The following DYNC1LI1 variants were observed in gnomAD, a reference collection of about 807,000 sequenced individuals.
DYNC1LI1 encodes the protein dynein cytoplasmic 1 light intermediate chain 1, also known as cytoplasmic dynein 1 light intermediate chain 1.
In DYNC1LI1, 19 loss-of-function variants were observed where a neutral mutation model predicts 63.8. That is an observed-to-expected ratio of 0.30 (90% CI 0.21 to 0.44). The LOEUF (loss-of-function observed/expected upper bound fraction) is 0.44. Among genes scored for constraint, DYNC1LI1 ranks in the 20% least tolerant of loss-of-function variants. DYNC1LI1 has a pLI of 1.00. For missense variants in DYNC1LI1, 565 were observed against 630.2 expected, an observed-to-expected ratio of 0.90 and a Z score of 1.11; for synonymous variants, 225 against 232.3, an observed-to-expected ratio of 0.97 and a Z score of 0.28.
chr3:32,561,228 T>C (rs540733536), intron 2 of DYNC1LI1, among the ~76,000 whole-genome samples: 1 of 151,718 alleles, frequency 6.6e-6, no homozygotes, highest in Non-Finnish European at 1.5e-5. Context: ...TTAAATCACC[T>C]TTACATTAAG....
intron 2 of DYNC1LI1, among the ~76,000 whole-genome samples, chr3:32,565,053 T>C (rs2125446503): frequency 1.3e-5 from 2 of 152,340 alleles, no homozygotes; most frequent in South Asian, 4.1e-4. Context: ...GGCTGCATAT[T>C]ACCGTGGACT....
intron 10 of DYNC1LI1, 150 bp downstream of exon 10, chr3:32,530,134 C>T (rs1042325922): frequency 3.8e-5 from 27 of 703,768 alleles, no homozygotes; most frequent in Non-Finnish European, 6.2e-5. Context: ...TAGATCTTTA[C>T]ACTTTTAAAA....
chr3:32,561,588 C>CA (rs1698195057), intron 2 of DYNC1LI1, among the ~76,000 whole-genome samples: 1 of 151,398 alleles, frequency 6.6e-6, no homozygotes, highest in African/African-American at 2.4e-5. Flanking sequence ...AAGATGGCAC[C>CA]ACTGCACTCC....
chr3:32,533,566 C>CTT (rs374520445), intron 7 of DYNC1LI1, among the ~76,000 whole-genome samples: 7 of 139,634 alleles, frequency 5.0e-5, no homozygotes, highest in Non-Finnish European at 7.8e-5. Context: ...ATACGGTTAC[C>CTT]TTTTTTTTTT....
chr3:32,570,393 G>A lies in DYNC1LI1; in HGVS notation c.173C>T (p.Thr58Ile). ...CGCAGGGAGCTTGGAGCGCGAGCGG[G>A]TGGAGACCTCGCTGAGGATGCAGGA... The part of the protein sequence containing the change: ...LWSCILSEVS[T>I]RSRSKLPAGK... The change falls in exon 2 of 13, where the codon ACC (threonine) becomes ATC (isoleucine). Residue 58 changes from threonine (T) to isoleucine (I), a missense_variant. Thr to Ile is a moderately conservative substitution (Grantham distance 89). Coordinates refer to ENST00000273130, the MANE Select transcript of DYNC1LI1 (RefSeq NM_016141.4). 1 of 1,606,760 alleles carries A rather than the reference G, an allele frequency of 6.2e-7. No individual in the cohort carries two copies. The highest frequency in any genetic ancestry group is 1.3e-5 in the African/African-American group (1 of 74,884).
intron 7 of DYNC1LI1, among the ~76,000 whole-genome samples, chr3:32,534,173 G>A (rs1256251358): frequency 2.0e-5 from 3 of 152,176 alleles, no homozygotes; most frequent in African/African-American, 4.8e-5. Flanking sequence ...ACCGTGCTCA[G>A]CCAGGTAATT....
At chr3:32,543,964 T>C (rs1697917515) in intron 4 of DYNC1LI1, among the ~76,000 whole-genome samples, 2 of 143,840 alleles carry the variant, frequency 1.4e-5, no homozygotes, top group African/African-American at 5.2e-5. Flanking sequence ...GGGGCTGAGA[T>C]GGGAGGATGG....
chr3:32,548,700 A>G (rs1253350016), intron 2 of DYNC1LI1, among the ~76,000 whole-genome samples: 1 of 152,208 alleles, frequency 6.6e-6, no homozygotes, highest in African/African-American at 2.4e-5. Flanking sequence ...GACTATAGTT[A>G]TTAACAATAT....
rs767882610 is a variant in DYNC1LI1, at chr3:32,530,554, ATATAT to A, written c.1081-39_1081-35del. ...AGCAATGCACAAATGAGCAAATTTA[ATATAT>A]TATGCTAACACAATTAATAATTTAT... On this transcript the variant is annotated intron_variant, in intron 8 of 12. Transcript: ENST00000273130. 8.6e-5 allele frequency: 132 copies of A among 1,543,092 alleles called. 3 individuals are homozygous for A. The African/African-American group carries it at 1.3e-3, about 16-fold the overall frequency.
intron 2 of DYNC1LI1, among the ~76,000 whole-genome samples, chr3:32,552,143 C>A (rs1313740372): frequency 2.6e-5 from 4 of 152,298 alleles, no homozygotes; most frequent in Admixed American, 2.6e-4. Context: ...ATTCCCTCTA[C>A]CTAGAACAAA....
At chr3:32,554,623 C>G (rs1698087897) in intron 2 of DYNC1LI1, among the ~76,000 whole-genome samples, 1 of 152,150 alleles carries the variant, frequency 6.6e-6, no homozygotes, top group Non-Finnish European at 1.5e-5. Context: ...TCAACCTCTG[C>G]AAGGGTACAA....
chr3:32,537,095 T>C lies in DYNC1LI1; in HGVS notation c.748A>G (p.Ile250Val). ...VLVVCTKCDAISVLEKEHDYR... is the reference protein window; with the variant it reads ...VLVVCTKCDAVSVLEKEHDYR... ...TCATGTTCTTTCTCCAATACACTAA[T>C]GGCATCACACTGTTAAGTTAAAATA... Residue 250 changes from isoleucine (I) to valine (V), a missense_variant, in exon 6 of 13, where the codon ATT becomes GTT. Physicochemically the swap from Ile to Val is conservative, Grantham distance 29 (BLOSUM62 3). Coordinates refer to ENST00000273130, the MANE Select transcript of DYNC1LI1 (RefSeq NM_016141.4). The C allele has an allele frequency of 6.4e-7, 1 of 1,551,060 alleles. No homozygotes were observed. Among genetic ancestry groups the C allele is most frequent in the South Asian group, 1.2e-5 (1 of 83,358 alleles).
chr3:32,570,762 G>A lies in DYNC1LI1; in HGVS notation c.9C>T (p.Ala3=). ...AACCGAAGGAGCCGACTCGCCCCACGGCCGCCATCTTGGTCGGGAATCACA... is the reference window on the plus strand; with the variant it reads ...AACCGAAGGAGCCGACTCGCCCCACAGCCGCCATCTTGGTCGGGAATCACA... MA[A]VGRVGSFGSS... is the part of the protein sequence containing the mutation. Residue 3 remains alanine, a synonymous_variant, in exon 1 of 13, where the codon GCC becomes GCT. Transcript: ENST00000273130. 6.2e-7 allele frequency: 1 copy of A among 1,601,032 alleles called. No homozygotes were observed. Among genetic ancestry groups the A allele is most frequent in the Non-Finnish European group, 8.5e-7 (1 of 1,173,794 alleles).
At position 32,532,997 on chromosome 3, in the gene DYNC1LI1, G is replaced by A; in HGVS notation, c.1069C>T (p.Pro357Ser). The A allele has an allele frequency of 6.3e-7, 1 of 1,578,772 alleles. No homozygotes were observed. Among genetic ancestry groups the A allele is most frequent in the South Asian group, 1.2e-5 (1 of 84,684 alleles). ...ACTAAAATGGTTACCTTTCGAACAGGTGGTTTAGTTATGATGTCTTCAAAA... is the reference window on the plus strand; with the variant it reads ...ACTAAAATGGTTACCTTTCGAACAGATGGTTTAGTTATGATGTCTTCAAAA... Reference protein sequence around the residue: ...DNFEDIITKPPVRKFVHEKEI... With the variant: ...DNFEDIITKPSVRKFVHEKEI... The change falls in exon 8 of 13, where the codon CCT (proline) becomes TCT (serine). Residue 357 changes from proline (P) to serine (S), a missense_variant. Coordinates refer to ENST00000273130, the MANE Select transcript of DYNC1LI1 (RefSeq NM_016141.4).
chr3:32,558,403 T>TAAAAAAAAAA (rs533076265), intron 2 of DYNC1LI1, among the ~76,000 whole-genome samples: 124 of 90,188 alleles, frequency 1.4e-3, no homozygotes, highest in Middle Eastern at 7.7e-3. Flanking sequence ...TTTAAAAATG[T>TAAAAAAAAAA]AAAAAAAAAA....
chr3:32,538,086 T>A (rs1260688711), intron 5 of DYNC1LI1, among the ~76,000 whole-genome samples: 4 of 91,900 alleles, frequency 4.4e-5, no homozygotes, highest in Non-Finnish European at 6.2e-5. Flanking sequence ...TATATAAAAT[T>A]TATATATATA....
rs907479384 is a variant in DYNC1LI1, at chr3:32,552,831, G to A, written c.221-6866C>T. Among the ~76,000 whole-genome samples the A allele has an allele frequency of 7.9e-5, 12 of 152,010 alleles. No homozygotes were observed. In the East Asian group the frequency reaches 1.2e-3, roughly 15 times the overall value. On this transcript the variant is annotated intron_variant, in intron 2 of 12. Coordinates refer to ENST00000273130, the MANE Select transcript of DYNC1LI1 (RefSeq NM_016141.4). ...AGTAATTCTCCTGCCTCAGCCTCCC[G>A]AGTAGCTGGGACTACAGGCACACGC...
At chr3:32,565,946 C>T (rs1161456997) in intron 2 of DYNC1LI1, among the ~76,000 whole-genome samples, 6 of 152,150 alleles carry the variant, frequency 3.9e-5, no homozygotes, top group Admixed American at 1.3e-4. Flanking sequence ...TACCTCCTGG[C>T]TATGTAACCC....
chr3:32,530,722 T>C, intron 8 of DYNC1LI1: 2 of 557,732 alleles, frequency 3.6e-6, no homozygotes, highest in Non-Finnish European at 6.4e-6. Context: ...TTTGGAAATA[T>C]TCTATATCTG....
Sources: allele counts gnomAD v4.1 joint callset (sites outside exome capture counted in the v4.1 genomes callset), GRCh38; gene constraint gnomAD v4.1.1; transcripts MANE v1.5; gene names NCBI Gene and HGNC (gene_info 2026-07-23, HGNC 2026-07-21).